TMEM144: variants seen among roughly 807,000 people sequenced by gnomAD.
TMEM144 encodes the protein transmembrane protein 144.
In TMEM144, 39 loss-of-function variants were observed where a neutral mutation model predicts 43.6. The ratio of observed to expected loss-of-function variants is 0.90; its 90% CI spans 0.69 to 1.17. The LOEUF is 1.17. Ranked by LOEUF, TMEM144 falls within the 50% of genes most tolerant of loss-of-function variation. TMEM144 has a pLI of 0.00. For synonymous variants in TMEM144, 154 were observed against 133.6 expected, an observed-to-expected ratio of 1.15 and a Z score of -1.06; for missense variants, 417 against 411.9, an observed-to-expected ratio of 1.01 and a Z score of -0.11.
At chr4:158,250,439 C>A (rs1397722010) in intron 12 of TMEM144, among the ~76,000 whole-genome samples, 1 of 152,040 alleles carries the variant, frequency 6.6e-6, no homozygotes, top group African/African-American at 2.4e-5. Context: ...TGAAACCAGA[C>A]AAAAGTCCAC....
At chr4:158,242,332 T>C (rs1560838390) in intron 11 of TMEM144, among the ~76,000 whole-genome samples, 1 of 152,190 alleles carries the variant, frequency 6.6e-6, no homozygotes, top group Non-Finnish European at 1.5e-5. Flanking sequence ...CTTGGTTTTA[T>C]TTTAGTCACT....
chr4:158,220,230 C>A (rs1734446693), intron 6 of TMEM144, among the ~76,000 whole-genome samples: 1 of 152,120 alleles, frequency 6.6e-6, no homozygotes, highest in South Asian at 2.1e-4. Context: ...AGAGAGTAGT[C>A]CCAGGCCAAT....
intron 8 of TMEM144, among the ~76,000 whole-genome samples, chr4:158,236,909 G>T (rs1735377763): frequency 6.6e-6 from 1 of 152,098 alleles, no homozygotes; most frequent in Non-Finnish European, 1.5e-5. Flanking sequence ...CAAGTCTGGG[G>T]AGTCCGCCTG....
At chr4:158,228,733 C>T (rs952768182) in intron 6 of TMEM144, among the ~76,000 whole-genome samples, 4 of 152,158 alleles carry the variant, frequency 2.6e-5, no homozygotes, top group Admixed American at 1.3e-4. Context: ...CCTCGCTTCC[C>T]GGTCAGGGAA....
intron 9 of TMEM144, 24 bp downstream of exon 9, chr4:158,237,667 T>C (rs201725930): frequency 1.4e-6 from 2 of 1,415,910 alleles, no homozygotes; most frequent in African/African-American, 1.4e-5. Context: ...GTTATCTTAC[T>C]TTATTAATAT....
chr4:158,217,206 T>A (rs1197425135), intron 4 of TMEM144, 115 bp from the exon 5 acceptor site: 3 of 668,288 alleles, frequency 4.5e-6, no homozygotes, highest in Non-Finnish European at 7.2e-6. Context: ...TGTGCTTTAC[T>A]AAATTTGTCC....
chr4:158,249,300 C>T (rs1736059293), intron 12 of TMEM144, among the ~76,000 whole-genome samples: 1 of 152,220 alleles, frequency 6.6e-6, no homozygotes, highest in Non-Finnish European at 1.5e-5. Flanking sequence ...TTTTTACCAA[C>T]ACACTTTAGT....
intron 12 of TMEM144, among the ~76,000 whole-genome samples, chr4:158,247,239 C>CA (rs1327713846): frequency 9.2e-5 from 14 of 151,750 alleles, no homozygotes; most frequent in Non-Finnish European, 2.1e-4. Flanking sequence ...GTATGTCTAT[C>CA]AAAACAAAAT....
chr4:158,244,764 G>A (rs1327489747), intron 12 of TMEM144, among the ~76,000 whole-genome samples: 3 of 152,150 alleles, frequency 2.0e-5, no homozygotes, highest in Admixed American at 6.5e-5. Context: ...CCTAGGTCCA[G>A]GGCCAACAAC....
chr4:158,250,195 CATATATATATATATATATATAT>C (rs5863314), intron 12 of TMEM144, among the ~76,000 whole-genome samples: 5 of 135,538 alleles, frequency 3.7e-5, no homozygotes, highest in Non-Finnish European at 6.5e-5. Context: ...TAATACATAA[CATATATATATATATATATATAT>C]ATATATATAT....
chr4:158,216,329 C>A (rs1317546538), intron 4 of TMEM144, among the ~76,000 whole-genome samples: 1 of 152,070 alleles, frequency 6.6e-6, no homozygotes, highest in African/African-American at 2.4e-5. Flanking sequence ...TAGGACATAG[C>A]AGAATGGGAG....
At chr4:158,241,349 C>T (rs1224648201) in intron 10 of TMEM144, among the ~76,000 whole-genome samples, 160 bp from the exon 11 acceptor site, 1 of 152,126 alleles carries the variant, frequency 6.6e-6, no homozygotes, top group Non-Finnish European at 1.5e-5. Flanking sequence ...AAATTACTTG[C>T]TCTAAAATAA....
intron 4 of TMEM144, among the ~76,000 whole-genome samples, chr4:158,216,242 G>T (rs1164789234): frequency 6.6e-6 from 1 of 152,146 alleles, no homozygotes; most frequent in Non-Finnish European, 1.5e-5. Flanking sequence ...GGTTCCACTG[G>T]GTGTCAGTGG....
intron 4 of TMEM144, among the ~76,000 whole-genome samples, chr4:158,216,610 G>A (rs1447132083): frequency 6.6e-6 from 1 of 152,126 alleles, no homozygotes; most frequent in Non-Finnish European, 1.5e-5. Context: ...GCTGGTAGCT[G>A]AAATCATGAA....
In TMEM144 at chr4:158,236,972, T is replaced by C. The variant is rs1182376792; in HGVS notation, c.564-553T>C. Reference sequence around the variant, plus strand: ...CTTTTTTATAAAAAGAAATGTTTTGTCTGAAATACCCAGATTATTTAATTA... The same window carrying C: ...CTTTTTTATAAAAAGAAATGTTTTGCCTGAAATACCCAGATTATTTAATTA... On this transcript the variant is annotated intron_variant, in intron 8 of 12. Transcript: ENST00000296529. Among the ~76,000 whole-genome samples, 5 of 152,344 alleles carry C rather than the reference T, an allele frequency of 3.3e-5. No homozygotes were observed. The East Asian group carries it at 9.6e-4, about 29-fold the overall frequency.
At chr4:158,226,465 T>C (rs1734772742) in intron 6 of TMEM144, among the ~76,000 whole-genome samples, 1 of 152,200 alleles carries the variant, frequency 6.6e-6, no homozygotes. Flanking sequence ...ACACATGGAA[T>C]TTTCTTTCTA....
intron 6 of TMEM144, among the ~76,000 whole-genome samples, chr4:158,222,149 T>C (rs1190896648): frequency 6.6e-6 from 1 of 152,230 alleles, no homozygotes; most frequent in Non-Finnish European, 1.5e-5. Context: ...CCCACTTGTA[T>C]ACATGTGATT....
intron 3 of TMEM144, chr4:158,213,976 G>A (rs190608480): frequency 1.3e-5 from 2 of 152,270 alleles, no homozygotes; most frequent in East Asian, 3.9e-4. Context: ...CATTTGTAAA[G>A]TGAACAACTT....
intron 6 of TMEM144, among the ~76,000 whole-genome samples, chr4:158,228,051 C>A (rs1189694680): frequency 6.6e-6 from 1 of 152,104 alleles, no homozygotes; most frequent in Non-Finnish European, 1.5e-5. Flanking sequence ...TTACACCAAA[C>A]CAAAATCAAA....
Sources: allele counts gnomAD v4.1 joint callset (sites outside exome capture counted in the v4.1 genomes callset), GRCh38; gene constraint gnomAD v4.1.1; transcripts MANE v1.5; gene names NCBI Gene and HGNC (gene_info 2026-07-23, HGNC 2026-07-21).